The following ARSF variants were observed in gnomAD, a reference collection of about 807,000 sequenced individuals.
The protein encoded by ARSF is arylsulfatase F.
In ARSF, 33 loss-of-function variants were observed where a neutral mutation model predicts 35.4. The observed-to-expected ratio is 0.93, with a 90% CI of 0.71 to 1.25. The LOEUF is 1.25. Ranked by LOEUF, ARSF falls within the 50% of genes most tolerant of loss-of-function variation. The probability of loss-of-function intolerance (pLI) is 0.00; values close to 1 mark genes in which losing one functional copy is unlikely to be tolerated. For synonymous variants in ARSF, 222 were observed against 193.1 expected, an observed-to-expected ratio of 1.15 and a Z score of -1.24; for missense variants, 501 against 480.2, an observed-to-expected ratio of 1.04 and a Z score of -0.40.
intron 2 of ARSF, among the ~76,000 whole-genome samples, chrX:3,070,430 G>A (rs1478449179): frequency 1.8e-5 from 2 of 110,035 alleles, no homozygotes; most frequent in Non-Finnish European, 3.8e-5. Context: ...TCCCTTACCT[G>A]TAGAGACTCA....
intron 1 of ARSF, among the ~76,000 whole-genome samples, chrX:3,052,713 A>G (rs1210847358): frequency 9.2e-6 from 1 of 108,884 alleles, no homozygotes; most frequent in Non-Finnish European, 1.9e-5. Flanking sequence ...AAAAAGATAC[A>G]TTCAAAGAAG....
chrX:3,107,141 C>T (rs1343369862), intron 9 of ARSF, among the ~76,000 whole-genome samples: 1 of 111,193 alleles, frequency 9.0e-6, no homozygotes, highest in Admixed American at 9.6e-5. Flanking sequence ...CAAACAAGAC[C>T]GTCCCTAAAA....
intron 6 of ARSF, among the ~76,000 whole-genome samples, chrX:3,089,086 T>C (rs185996384): frequency 1.8e-5 from 2 of 112,047 alleles, no homozygotes; most frequent in Non-Finnish European, 3.8e-5. Context: ...AACTTAACAT[T>C]TCATGATGTT....
chrX:3,086,553 A>G (rs2090249727), intron 6 of ARSF, among the ~76,000 whole-genome samples: 2 of 112,388 alleles, frequency 1.8e-5, no homozygotes, highest in South Asian at 7.4e-4. Flanking sequence ...CCAATGGCTC[A>G]TGCCTGTAAT....
chrX:3,053,822 T>C (rs1314686042), intron 1 of ARSF, among the ~76,000 whole-genome samples: 3 of 100,822 alleles, frequency 3.0e-5, no homozygotes, highest in Non-Finnish European at 6.0e-5. Context: ...AGTGCAATGG[T>C]GTGATCTTGG....
At chrX:3,056,013 G>A (rs1438929255) in intron 1 of ARSF, among the ~76,000 whole-genome samples, 1 of 111,674 alleles carries the variant, frequency 9.0e-6, no homozygotes, top group Non-Finnish European at 1.9e-5. Flanking sequence ...GAACAGTGGT[G>A]GAATTACGAT....
chrX:3,097,707 A>G (rs1407211795), intron 7 of ARSF, among the ~76,000 whole-genome samples: 1 of 112,208 alleles, frequency 8.9e-6, no homozygotes, highest in Non-Finnish European at 1.9e-5. Context: ...AAATGGTTAA[A>G]TAATTTATAC....
chrX:3,095,845 A>T (rs1427651218), intron 7 of ARSF, among the ~76,000 whole-genome samples: 4 of 109,882 alleles, frequency 3.6e-5, no homozygotes, highest in Non-Finnish European at 5.7e-5. Flanking sequence ...AGCCAGGAAA[A>T]TTCTTGCATG....
chrX:3,079,399 G>T (rs1022030964), intron 4 of ARSF, among the ~76,000 whole-genome samples: 7 of 99,144 alleles, frequency 7.1e-5, no homozygotes, highest in Non-Finnish European at 1.0e-4. Context: ...AGGCTGGAGT[G>T]CAATGGCGCA....
rs770175286 is a variant in ARSF at position 3,067,731 on chromosome X, C to T, written c.-28-342C>T. ...AGAATTAGCCGGGCGTGGTGGTGCA[C>T]GCCTGTAGTCCCCACTACTCAGGAG... On this transcript the variant is annotated intron_variant, in intron 1 of 10. Transcript: ENST00000381127. 3.5e-4 allele frequency among the ~76,000 whole-genome samples: 39 copies of T among 110,046 alleles called. No individual in the cohort carries two copies. In the East Asian group the frequency reaches 8.0e-3, roughly 23 times the overall value.
chrX:3,086,204 A>G (rs943088921), intron 6 of ARSF, among the ~76,000 whole-genome samples: 2 of 111,854 alleles, frequency 1.8e-5, no homozygotes, highest in African/African-American at 6.5e-5. Flanking sequence ...CTCTGAAAGT[A>G]TATGATAAGC....
intron 3 of ARSF, among the ~76,000 whole-genome samples, chrX:3,076,076 C>A (rs2090146499): frequency 9.3e-6 from 1 of 106,984 alleles, no homozygotes; most frequent in Non-Finnish European, 1.9e-5. Context: ...TTAATCTCTG[C>A]ATGTCTCTTT....
Position 3,110,182 on chromosome X carries a change from G to A in ARSF, c.1320G>A (p.Ser440=), listed in dbSNP as rs763465347. ...MPLLQGNVRH[S]EHEFLFHYCG... The stretch of plus-strand genomic sequence containing the variant: ...TGCTGCAGGGCAACGTCAGGCACTC[G>A]GAGCATGAATTTCTTTTCCACTACT... The change falls in exon 10 of 11, where the codon TCG becomes TCA. Residue 440 remains serine (S), a synonymous_variant. Transcript: ENST00000381127. 13 of 1,202,551 alleles carry A rather than the reference G, an allele frequency of 1.1e-5. No individual in the cohort carries two copies. Among genetic ancestry groups the A allele is most frequent in the Non-Finnish European group, 1.2e-5 (11 of 891,017 alleles).
chrX:3,042,792 C>T (rs769712456), intron 1 of ARSF, among the ~76,000 whole-genome samples: 1 of 110,976 alleles, frequency 9.0e-6, no homozygotes, highest in South Asian at 3.9e-4. Context: ...GCCACCGCAC[C>T]CGGCCAGATT....
In ARSF at chrX:3,112,640, T is replaced by C; in HGVS notation, c.*84T>C. The stretch of plus-strand genomic sequence containing the variant: ...AGGCTACCAAAGGAAGCACTAACTT[T>C]GGTGCTTTCAAGTTGGCAAGGAGTG... On this transcript the variant is annotated 3_prime_UTR_variant, in exon 11 of 11. Coordinates refer to ENST00000381127, the MANE Select transcript of ARSF (RefSeq NM_001201539.2). The C allele has an allele frequency of 1.9e-6, 2 of 1,071,646 alleles. No individual in the cohort carries two copies. Among genetic ancestry groups the C allele is most frequent in the Non-Finnish European group, 2.4e-6 (2 of 823,404 alleles). The allele number at this position is 1,071,646 out of a possible 1,213,427, so 88.3% of individuals were successfully genotyped here. A position where few individuals can be genotyped will look rare whatever the true frequency, so the allele number is the denominator to read the frequency against.
intron 10 of ARSF, among the ~76,000 whole-genome samples, 176 bp downstream of exon 10, chrX:3,110,428 T>A (rs1485809939): frequency 3.6e-5 from 4 of 111,900 alleles, no homozygotes; most frequent in African/African-American, 6.5e-5. Context: ...CAGGTGGGGG[T>A]AATGGAGATG....
At chrX:3,086,322 A>G (rs1276841167) in intron 6 of ARSF, among the ~76,000 whole-genome samples, 1 of 112,452 alleles carries the variant, frequency 8.9e-6, no homozygotes, top group Non-Finnish European at 1.9e-5. Context: ...TGAGATGTAC[A>G]TTGTTCACCA....
At chrX:3,051,544 T>C (rs748786142) in intron 1 of ARSF, among the ~76,000 whole-genome samples, 4 of 111,731 alleles carry the variant, frequency 3.6e-5, no homozygotes, top group Non-Finnish European at 5.6e-5. Flanking sequence ...GCAAAGATAA[T>C]ATACAAGGAG....
At chrX:3,049,824 G>A (rs2089989694) in intron 1 of ARSF, among the ~76,000 whole-genome samples, 1 of 111,088 alleles carries the variant, frequency 9.0e-6, no homozygotes, top group Non-Finnish European at 1.9e-5. Context: ...CATGCCAGAA[G>A]GGTGGAAATC....
Sources: gnomAD v4.1 joint callset for allele counts (sites outside exome capture counted in the v4.1 genomes callset) on GRCh38, gnomAD v4.1.1 for gene constraint, MANE v1.5 for transcripts, NCBI Gene and HGNC (gene_info 2026-07-23, HGNC 2026-07-21) for gene names.